The following FNDC3A variants were observed in gnomAD, a reference collection of about 807,000 sequenced individuals.
FNDC3A encodes the protein fibronectin type III domain containing 3A, also known as fibronectin type-III domain-containing protein 3A.
FNDC3A carries 32 observed loss-of-function variants against 148.9 expected under a neutral mutation model. The ratio of observed to expected loss-of-function variants is 0.21; its 90% confidence interval spans 0.16 to 0.29. The LOEUF (loss-of-function observed/expected upper bound fraction) is 0.29. Ranked by LOEUF, FNDC3A falls within the 10% of genes least tolerant of loss-of-function variation. The pLI is 1.00. For missense variants in FNDC3A, 1,191 were observed against 1,452.8 expected (o/e 0.82, Z 2.93); for synonymous variants, 472 against 473.6 (o/e 1.00, Z 0.04).
chr13:49,141,002 A>C (rs1452061032), intron 7 of FNDC3A, among the ~76,000 whole-genome samples: 1 of 152,206 alleles, frequency 6.6e-6, no homozygotes, highest in South Asian at 2.1e-4. Flanking sequence ...AGCACTGGAC[A>C]TGGCACATTT....
intron 25 of FNDC3A, among the ~76,000 whole-genome samples, chr13:49,206,602 A>G (rs1260258784): frequency 6.6e-6 from 1 of 152,214 alleles, no homozygotes; most frequent in Non-Finnish European, 1.5e-5. Flanking sequence ...GTGATTTGCC[A>G]TAGGCACCTA....
rs1257512932 is a variant in FNDC3A at position 49,045,792 on chromosome 13, T to C, written c.100-29497T>C. ...AGCATCTGATTTTAATGACAGTCCT[T>C]TTTTTTTTTTTTTTTTTCGTTGTCA... On this transcript the variant is annotated intron_variant, in intron 2 of 25. Coordinates refer to ENST00000492622, the MANE Select transcript of FNDC3A (RefSeq NM_001079673.2). 3.9e-4 allele frequency: 6 copies of C among 15,318 alleles called. No homozygotes were observed. The Admixed American group carries it at 8.0e-3, about 20-fold the overall frequency. 0.9% of individuals were successfully genotyped at this position (15,318 alleles called of 1,614,324 possible).
At position 49,012,805 on chromosome 13, in the gene FNDC3A, A is replaced by ATGTGTGTGTGTGTGTGTGTGTGTG. The variant is rs61137549; in HGVS notation, c.99+6528_99+6551dup. 9.6e-4 allele frequency among the ~76,000 whole-genome samples: 129 copies of ATGTGTGTGTGTGTGTGTGTGTGTG among 134,614 alleles called. 1 individual carries two copies. The highest frequency in any genetic ancestry group is 3.8e-3 in the Middle Eastern group (1 of 266). 88.3% of individuals were successfully genotyped at this position (134,614 alleles called of 152,430 possible). On this transcript the variant is annotated intron_variant, in intron 2 of 25. Coordinates refer to ENST00000492622, the MANE Select transcript of FNDC3A (RefSeq NM_001079673.2). ...CTTGGGTTTTTATATGCAATTATAA[A>ATGTGTGTGTGTGTGTGTGTGTGTG]TGTGTGTGTGTGTGTGTGTGTGTGT... is the stretch of plus-strand genomic sequence containing the variant.
intron 4 of FNDC3A, among the ~76,000 whole-genome samples, chr13:49,120,899 A>G (rs1359812167): frequency 1.3e-5 from 2 of 152,052 alleles, no homozygotes; most frequent in Non-Finnish European, 2.9e-5. Flanking sequence ...AATAATGGGT[A>G]ATAATAATTA....
At chr13:49,171,569 A>G (rs1884755907) in intron 10 of FNDC3A, among the ~76,000 whole-genome samples, 1 of 152,168 alleles carries the variant, frequency 6.6e-6, no homozygotes, top group Admixed American at 6.5e-5. Context: ...CAGCAGTCTC[A>G]GGTAACCAGC....
chr13:49,108,746 G>T (rs117208756), intron 3 of FNDC3A, among the ~76,000 whole-genome samples: 4,674 of 152,226 alleles, frequency 0.031, 98 homozygotes, highest in Non-Finnish European at 0.048. Context: ...GGATTTACAG[G>T]GGGGCTGGGT....
At chr13:49,038,797 T>G (rs187504339) in intron 2 of FNDC3A, among the ~76,000 whole-genome samples, 1 of 152,356 alleles carries the variant, frequency 6.6e-6, no homozygotes, top group African/African-American at 2.4e-5. Context: ...GTCATGTTCC[T>G]TTTGGGATAA....
At position 49,136,530 on chromosome 13, in the gene FNDC3A, T is replaced by G. The variant is rs1882372989; in HGVS notation, c.689T>G (p.Ile230Arg). ...GLIKGQIAGG[I>R]NTGSAKIKSG... ...ATAAAAGGACAAATTGCTGGTGGTA[T>G]AAACACAGGATCAGCAAAAATCAAG... Residue 230 changes from isoleucine to arginine, a missense_variant, in exon 6 of 26, where the codon ATA becomes AGA. Physicochemically the swap from Ile to Arg is moderately conservative, Grantham distance 97. Around this residue, in one of 3 missense-constraint regions of FNDC3A, gnomAD observed 426 missense variants for 473.2 expected, o/e 0.90. Transcript: ENST00000492622. 1 of 1,614,138 alleles carries G rather than the reference T, an allele frequency of 6.2e-7. No individual in the cohort carries two copies. The highest frequency in any genetic ancestry group is 8.5e-7 in the Non-Finnish European group (1 of 1,180,002).
chr13:49,178,514 C>A, intron 13 of FNDC3A, 54 bp from the exon 14 acceptor site: 2 of 1,059,578 alleles, frequency 1.9e-6, no homozygotes, highest in Non-Finnish European at 2.9e-6. Context: ...TTCATTATTG[C>A]CCATATTTCT....
At chr13:49,044,725 GAAC>G (rs1038360328) in intron 2 of FNDC3A, 16 of 350,724 alleles carry the variant, frequency 4.6e-5, no homozygotes, top group Non-Finnish European at 9.1e-5. Flanking sequence ...ATGGTTAACA[GAAC>G]AAGATATAGC....
intron 10 of FNDC3A, among the ~76,000 whole-genome samples, chr13:49,170,548 C>T (rs368311029): frequency 5.3e-5 from 8 of 152,172 alleles, no homozygotes; most frequent in African/African-American, 1.9e-4. Context: ...ATTGCCAGTC[C>T]CCCAAGGCAG....
intron 4 of FNDC3A, among the ~76,000 whole-genome samples, chr13:49,118,902 G>C (rs528440537): frequency 6.6e-6 from 1 of 152,332 alleles, no homozygotes; most frequent in Non-Finnish European, 1.5e-5. Flanking sequence ...CAGAGCACCT[G>C]GGGGAAGGGG....
intron 4 of FNDC3A, among the ~76,000 whole-genome samples, chr13:49,117,672 CTATT>C (rs1881056636): frequency 6.6e-6 from 1 of 152,060 alleles, no homozygotes; most frequent in African/African-American, 2.4e-5. Context: ...TACAATATAA[CTATT>C]TACACAGCAT....
intron 14 of FNDC3A, among the ~76,000 whole-genome samples, chr13:49,181,517 G>GA (rs796984148): frequency 1.1e-4 from 17 of 149,618 alleles, no homozygotes; most frequent in Admixed American, 2.7e-4. Context: ...TCTAGAGGAG[G>GA]AAAAAAAAAC....
chr13:49,129,042 CTTG>C (rs1458198254), intron 4 of FNDC3A, among the ~76,000 whole-genome samples: 3 of 152,240 alleles, frequency 2.0e-5, no homozygotes, highest in African/African-American at 7.2e-5. Context: ...AAGTAACTTA[CTTG>C]TTGTGTTTGT....
chr13:49,109,300 C>T (rs1465129364), intron 3 of FNDC3A, among the ~76,000 whole-genome samples: 1 of 152,152 alleles, frequency 6.6e-6, no homozygotes, highest in Non-Finnish European at 1.5e-5. Flanking sequence ...ATTTCATTCT[C>T]ACAACAATGC....
At chr13:49,147,109 C>T (rs1289385584) in intron 8 of FNDC3A, among the ~76,000 whole-genome samples, 2 of 152,044 alleles carry the variant, frequency 1.3e-5, no homozygotes, top group East Asian at 3.9e-4. Flanking sequence ...TTGAGATTTC[C>T]TTGTGTTCTA....
At chr13:49,104,598 TG>T (rs1347795889) in intron 3 of FNDC3A, among the ~76,000 whole-genome samples, 1 of 152,168 alleles carries the variant, frequency 6.6e-6, no homozygotes, top group Non-Finnish European at 1.5e-5. Context: ...TCAAGTCATT[TG>T]GTAGAATGGA....
intron 2 of FNDC3A, among the ~76,000 whole-genome samples, chr13:49,068,828 T>TA (rs376805185): frequency 1.9e-3 from 288 of 152,300 alleles, no homozygotes; most frequent in African/African-American, 6.7e-3. Flanking sequence ...AACATGTTCT[T>TA]ACTTACAAGT....
Sources: allele counts gnomAD v4.1 joint callset (sites outside exome capture counted in the v4.1 genomes callset), GRCh38; gene constraint gnomAD v4.1.1; regional missense constraint gnomAD v4.1.1; transcripts MANE v1.5; gene names NCBI Gene and HGNC (gene_info 2026-07-23, HGNC 2026-07-21).